The following LHPP variants were observed in gnomAD, a reference collection of about 807,000 sequenced individuals.
The protein encoded by LHPP is phospholysine phosphohistidine inorganic pyrophosphate phosphatase.
In LHPP, 24 loss-of-function variants were observed where a neutral mutation model predicts 30.3. The ratio of observed to expected loss-of-function variants is 0.79; its 90% CI spans 0.57 to 1.11. The LOEUF (loss-of-function observed/expected upper bound fraction) is 1.11, where lower values mean the gene tolerates loss of function less well. LHPP is among the 50% of genes most tolerant of loss of function. The pLI, the probability that LHPP is intolerant of heterozygous loss-of-function variation, is 0.00. For synonymous variants in LHPP, 150 were observed against 157.1 expected (o/e 0.95, Z 0.34); for missense variants, 356 against 367.2 (o/e 0.97, Z 0.25).
rs1948872993 is a variant in LHPP, at chr10:124,590,703, TG to T, written c.717-22558del. On this transcript the variant is annotated intron_variant, in intron 6 of 6. Coordinates refer to ENST00000368842, the MANE Select transcript of LHPP (RefSeq NM_022126.4). The surrounding 1 kb of genome is among the most constrained non-coding windows in gnomAD (Gnocchi z 4.3). ...TGAGCCCTTGCCAGAGGAGACACGG[TG>T]GGCACCAGCCCCAGCGCTGCCACCT... 6.6e-6 allele frequency among the ~76,000 whole-genome samples: 1 copy of T among 152,176 alleles called. No homozygotes were observed.
intron 1 of LHPP, among the ~76,000 whole-genome samples, chr10:124,472,983 G>A (rs375909242): frequency 2.0e-5 from 3 of 152,222 alleles, no homozygotes; most frequent in African/African-American, 7.2e-5. Flanking sequence ...TCTGATGGCT[G>A]CTTGAAAGCT....
chr10:124,498,765 G>T (rs749391569), intron 5 of LHPP: 1 of 460,556 alleles, frequency 2.2e-6, no homozygotes, highest in Middle Eastern at 3.8e-4. Context: ...GACCTCCCAG[G>T]CTCAAGCGAT....
intron 6 of LHPP, among the ~76,000 whole-genome samples, chr10:124,552,450 G>A (rs568665733): frequency 6.6e-6 from 1 of 152,214 alleles, no homozygotes; most frequent in Admixed American, 6.5e-5. Context: ...ACATGGAGCT[G>A]TCTAAAGAAG....
At chr10:124,502,616 G>A (rs554956755) in intron 5 of LHPP, among the ~76,000 whole-genome samples, 37 of 146,998 alleles carry the variant, frequency 2.5e-4, no homozygotes, top group African/African-American at 7.4e-4. Context: ...TGATCTGCCC[G>A]CTTCGGCTCC....
chr10:124,526,696 G>C (rs879559239), intron 6 of LHPP, among the ~76,000 whole-genome samples: 1 of 152,182 alleles, frequency 6.6e-6, no homozygotes, highest in Non-Finnish European at 1.5e-5. Flanking sequence ...TCTGACCTAG[G>C]GCAGGCCCTG....
chr10:124,475,947 A>G (rs1331297212), intron 1 of LHPP, among the ~76,000 whole-genome samples: 1 of 151,984 alleles, frequency 6.6e-6, no homozygotes, highest in Non-Finnish European at 1.5e-5. Context: ...ATTCCCATGT[A>G]CTTCATTCTA....
intron 6 of LHPP, among the ~76,000 whole-genome samples, chr10:124,587,597 A>G (rs937417516): frequency 2.0e-5 from 3 of 151,636 alleles, no homozygotes; most frequent in Non-Finnish European, 4.4e-5. Flanking sequence ...AAAATTAGCC[A>G]GGCATGGTGG....
At chr10:124,563,990 A>G (rs940477787) in intron 6 of LHPP, among the ~76,000 whole-genome samples, 1 of 152,076 alleles carries the variant, frequency 6.6e-6, no homozygotes, top group Non-Finnish European at 1.5e-5. Context: ...TCTGTCACCC[A>G]GGCTGGAGTG....
chr10:124,563,329 GC>G (rs1793956508), intron 6 of LHPP, among the ~76,000 whole-genome samples: 1 of 130,402 alleles, frequency 7.7e-6, no homozygotes, highest in African/African-American at 3.0e-5. Flanking sequence ...TTTTTTTTTT[GC>G]ATAAAATCCA....
At position 124,590,854 on chromosome 10, in the gene LHPP, G is replaced by A. The variant is rs961055269; in HGVS notation, c.717-22410G>A. ...GGACAGGATGGCTTCGTATCCATCT[G>A]GCTGTGCCCTGTAACTCAAGGGATG... On this transcript the variant is annotated intron_variant, in intron 6 of 6. Coordinates refer to ENST00000368842, the MANE Select transcript of LHPP (RefSeq NM_022126.4). The surrounding 1 kb of genome is among the most constrained non-coding windows in gnomAD (Gnocchi z 4.3). Among the ~76,000 whole-genome samples, 10 of 152,222 alleles carry A rather than the reference G, an allele frequency of 6.6e-5. No individual in the cohort carries two copies. Among genetic ancestry groups the A allele is most frequent in the African/African-American group, 2.4e-4 (10 of 41,460 alleles).
intron 6 of LHPP, among the ~76,000 whole-genome samples, chr10:124,585,562 C>G (rs902073903): frequency 6.6e-6 from 1 of 151,088 alleles, no homozygotes. Flanking sequence ...TTGCAGTGAG[C>G]TGAGATCGCG....
intron 1 of LHPP, among the ~76,000 whole-genome samples, chr10:124,471,176 C>A (rs1952720079): frequency 6.6e-6 from 1 of 151,470 alleles, no homozygotes; most frequent in Non-Finnish European, 1.5e-5. Context: ...TTTTGAGATG[C>A]AGCCTTCCCT....
intron 6 of LHPP, among the ~76,000 whole-genome samples, chr10:124,607,051 CTCTG>C (rs1325082331): frequency 3.3e-5 from 5 of 152,200 alleles, no homozygotes; most frequent in Non-Finnish European, 5.9e-5. Context: ...GGCCGTGTCT[CTCTG>C]TCTGTCTCTT....
At chr10:124,504,439 C>A (rs866634468) in intron 5 of LHPP, among the ~76,000 whole-genome samples, 97 of 128,758 alleles carry the variant, frequency 7.5e-4, no homozygotes, top group Middle Eastern at 3.9e-3. Context: ...AGAAAAAATG[C>A]AAAAAAAAAA....
At chr10:124,463,820 CTTTT>C (rs35122241) in intron 1 of LHPP, among the ~76,000 whole-genome samples, 23 of 120,764 alleles carry the variant, frequency 1.9e-4, no homozygotes, top group Non-Finnish European at 2.2e-4. Context: ...ATTTTTTTTT[CTTTT>C]TTTTTTTTTT....
chr10:124,485,214 C>A (rs533601291), intron 2 of LHPP, among the ~76,000 whole-genome samples: 1 of 152,038 alleles, frequency 6.6e-6, no homozygotes, highest in African/African-American at 2.4e-5. Context: ...AATTCCTTCT[C>A]TGTAATCTAG....
chr10:124,568,948 C>G (rs1948540226), intron 6 of LHPP, among the ~76,000 whole-genome samples: 1 of 42,548 alleles, frequency 2.4e-5, no homozygotes, highest in East Asian at 9.4e-4. Flanking sequence ...ATGTTCTGTC[C>G]CCCCCACGGC....
rs985812272 is a variant in LHPP at position 124,523,323 on chromosome 10, C to T, written c.716+6052C>T. Among the ~76,000 whole-genome samples the T allele has an allele frequency of 6.6e-6, 1 of 152,174 alleles. No homozygotes were observed. Among genetic ancestry groups the T allele is most frequent in the Non-Finnish European group, 1.5e-5 (1 of 68,026 alleles). On this transcript the variant is annotated intron_variant, in intron 6 of 6. Coordinates refer to ENST00000368842, the MANE Select transcript of LHPP (RefSeq NM_022126.4). The surrounding 1 kb of genome is among the most constrained non-coding windows in gnomAD (Gnocchi z 4.2). Reference sequence around the variant, plus strand: ...GTTTCCCCCCAGTGGGGTGGCCAGCCGATCTAGGATTCCAGCCGCCTTGCA... The same window carrying T: ...GTTTCCCCCCAGTGGGGTGGCCAGCTGATCTAGGATTCCAGCCGCCTTGCA...
intron 6 of LHPP, among the ~76,000 whole-genome samples, chr10:124,611,247 G>C (rs377070447): frequency 2.2e-4 from 34 of 152,144 alleles, no homozygotes; most frequent in African/African-American, 7.5e-4. Flanking sequence ...GTCCAGCAGT[G>C]GTGGAAGCTC....
Sources: gnomAD v4.1 joint callset for allele counts (sites outside exome capture counted in the v4.1 genomes callset) on GRCh38, gnomAD v4.1.1 for gene constraint, Gnocchi (gnomAD v3.1) non-coding constraint, MANE v1.5 for transcripts, NCBI Gene and HGNC (gene_info 2026-07-23, HGNC 2026-07-21) for gene names.